Variants in KANK2 observed in about 807,000 individuals in gnomAD.
KANK2 encodes KN motif and ankyrin repeat domain-containing protein 2.
KANK2 carries 41 observed loss-of-function variants against 74.6 expected under a neutral mutation model. The observed-to-expected ratio is 0.55, with a 90% CI of 0.43 to 0.71. KANK2 has a LOEUF of 0.71. Among genes scored for constraint, KANK2 ranks in the 30% least tolerant of loss-of-function variants. KANK2 has a pLI of 0.00. For synonymous variants in KANK2, 537 were observed against 519.0 expected (o/e 1.03, Z -0.47); for missense variants, 1,148 against 1,196.4 (o/e 0.96, Z 0.60).
Position 11,178,680 on chromosome 19 carries a change from CG to C in KANK2, c.1289del (p.Pro430ArgfsTer5). On this transcript the variant is annotated frameshift_variant, in exon 5 of 13. Transcript: ENST00000586659. LOFTEE classifies it high-confidence loss of function. The stretch of plus-strand genomic sequence containing the variant: ...GTGTAAGGGAGGCTACCTCGGACCC[CG>C]GGGGTGACGAAGACGATTCGGCAGG... ...EVPAESSSSP[P>X]GSEVASLTQP... 1.3e-6 allele frequency: 2 copies of C among 1,541,686 alleles called. No homozygotes were observed. The highest frequency in any genetic ancestry group is 2.3e-5 in the Admixed American group (1 of 43,828).
intron 4 of KANK2, among the ~76,000 whole-genome samples, chr19:11,188,234 A>T (rs184537075): frequency 6.7e-6 from 1 of 149,418 alleles, no homozygotes; most frequent in Admixed American, 6.7e-5. Flanking sequence ...ACGGAGTCTC[A>T]CTCTCACTCT....
intron 4 of KANK2, chr19:11,192,414 G>A: frequency 7.0e-6 from 2 of 284,574 alleles, no homozygotes; most frequent in South Asian, 7.1e-5. Flanking sequence ...CGGGGGCTGG[G>A]GCTGGACCTT....
At position 11,192,981 on chromosome 19, in the gene KANK2, G is replaced by A; in HGVS notation, c.1099C>T (p.Leu367=). 2 of 1,614,058 alleles carry A rather than the reference G, an allele frequency of 1.2e-6. No homozygotes were observed. Among genetic ancestry groups the A allele is most frequent in the Non-Finnish European group, 1.7e-6 (2 of 1,179,988 alleles). The stretch of plus-strand genomic sequence containing the variant: ...CTCTCAGGCCTACCAGGCATTGCCA[G>A]GGCCCTCAGCCCTGTGCCGTAAGGC... ...LEPYGTGLRA[L]AMPGRPESPP... is the part of the protein sequence containing the mutation. Residue 367 remains leucine (L), a synonymous_variant, in exon 4 of 13, where the codon CTG becomes TTG. Coordinates refer to ENST00000586659, the MANE Select transcript of KANK2 (RefSeq NM_001136191.3).
chr19:11,168,686 C>G (rs1368070215), intron 12 of KANK2, among the ~76,000 whole-genome samples: 2 of 152,114 alleles, frequency 1.3e-5, no homozygotes, highest in African/African-American at 4.8e-5. Flanking sequence ...TAACATGCAG[C>G]AGGCGCTCAA....
chr19:11,174,127 A>G (rs527730802), intron 9 of KANK2, among the ~76,000 whole-genome samples: 17 of 144,216 alleles, frequency 1.2e-4, no homozygotes, highest in African/African-American at 4.2e-4. Context: ...ATGAACTGGG[A>G]AGGTGTCTCC....
rs773513432 is a variant in KANK2, at chr19:11,194,037, G to A, written c.43C>T (p.Pro15Ser). Reference protein sequence around the residue: ...LHVPAPFPGTPGPASPPAFPA... With the variant: ...LHVPAPFPGTSGPASPPAFPA... ...AAGGCAGGTGGGGAGGCTGGGCCAG[G>A]GGTCCCTGGGGATGGGAGAAACACC... The change falls in exon 4 of 13, where the codon CCT (proline) becomes TCT (serine). Residue 15 changes from proline (P) to serine (S), a missense_variant. Pro to Ser is a moderately conservative substitution (Grantham distance 74, BLOSUM62 -1). Coordinates refer to ENST00000586659, the MANE Select transcript of KANK2 (RefSeq NM_001136191.3). 4 of 1,602,306 alleles carry A rather than the reference G, an allele frequency of 2.5e-6. No individual in the cohort carries two copies. Among genetic ancestry groups the A allele is most frequent in the Non-Finnish European group, 3.4e-6 (4 of 1,173,536 alleles).
At chr19:11,167,897 G>A (rs984151592) in intron 12 of KANK2, among the ~76,000 whole-genome samples, 20 of 151,788 alleles carry the variant, frequency 1.3e-4, no homozygotes, top group African/African-American at 2.4e-4. Context: ...CCTGCTGCCC[G>A]GAAGACCATG....
At chr19:11,180,197 G>A (rs768672583) in intron 4 of KANK2, among the ~76,000 whole-genome samples, 1 of 152,146 alleles carries the variant, frequency 6.6e-6, no homozygotes, top group Non-Finnish European at 1.5e-5. Flanking sequence ...TCCCCTTCCT[G>A]TCCCCCGGGG....
intron 4 of KANK2, among the ~76,000 whole-genome samples, chr19:11,181,073 C>T (rs190700979): frequency 0.017 from 1,757 of 103,056 alleles, 54 homozygotes; most frequent in African/African-American, 0.065. Context: ...GGGGATAGAG[C>T]GAGACTCTTG....
intron 10 of KANK2, among the ~76,000 whole-genome samples, chr19:11,172,451 C>T (rs1373275044): frequency 6.6e-6 from 1 of 152,184 alleles, no homozygotes; most frequent in Non-Finnish European, 1.5e-5. Context: ...TCAGTGGGTC[C>T]TGGCTTCCCT....
At chr19:11,185,807 C>A (rs2078657952) in intron 4 of KANK2, among the ~76,000 whole-genome samples, 1 of 132,888 alleles carries the variant, frequency 7.5e-6, no homozygotes, top group African/African-American at 2.7e-5. Flanking sequence ...CTTTGGGAGG[C>A]TGAGGTGGAT....
chr19:11,175,982 G>C lies in KANK2; in HGVS notation c.1768C>G (p.Leu590Val). The part of the protein sequence containing the change: ...SNTEEEIRME[L>V]SPDLISACLA... ...CAGGCTGAGATGAGGTCAGGGCTTA[G>C]CTCCATCCTGCCAGGAACAGACAAA... The change falls in exon 8 of 13, where the codon CTA becomes GTA. Residue 590 changes from leucine (L) to valine (V), a missense_variant. Physicochemically the swap from Leu to Val is conservative, Grantham distance 32. Transcript: ENST00000586659. The C allele has an allele frequency of 6.2e-7, 1 of 1,612,960 alleles. No individual in the cohort carries two copies.
chr19:11,166,850 G>T (rs1415350950), intron 12 of KANK2, among the ~76,000 whole-genome samples: 1 of 152,160 alleles, frequency 6.6e-6, no homozygotes, highest in Admixed American at 6.6e-5. Context: ...GCTGGTCAGG[G>T]AGGGTGAGTT....
At chr19:11,174,833 A>T in intron 8 of KANK2, 141 bp from the exon 9 acceptor site, 2 of 668,440 alleles carry the variant, frequency 3.0e-6, no homozygotes, top group Non-Finnish European at 5.2e-6. Context: ...ACCCTCCCAA[A>T]GGGAAGTGTA....
intron 4 of KANK2, among the ~76,000 whole-genome samples, chr19:11,189,249 G>A (rs1016367423): frequency 6.6e-5 from 10 of 151,934 alleles, no homozygotes; most frequent in African/African-American, 1.9e-4. Context: ...AAGCCACTGC[G>A]CCTGGCTGAA....
chr19:11,172,963 C>T lies in KANK2; in HGVS notation c.2211+18G>A. On this transcript the variant is annotated intron_variant, in intron 10 of 12. Coordinates refer to ENST00000586659, the MANE Select transcript of KANK2 (RefSeq NM_001136191.3). ...TAGGAAGAGCCACCTGGATCTGCAG[C>T]AGCCGGGGTCCCCATACCTGGCTGG... The T allele has an allele frequency of 6.2e-7, 1 of 1,608,916 alleles. No individual in the cohort carries two copies. Among genetic ancestry groups the T allele is most frequent in the South Asian group, 1.1e-5 (1 of 90,530 alleles).
At chr19:11,190,595 A>C (rs1288657865) in intron 4 of KANK2, among the ~76,000 whole-genome samples, 2 of 152,154 alleles carry the variant, frequency 1.3e-5, no homozygotes, top group African/African-American at 4.8e-5. Context: ...ACCTCTCTAG[A>C]GGTGGAGAGC....
intron 2 of KANK2, 106 bp from the exon 3 acceptor site, chr19:11,194,696 G>A: frequency 3.5e-6 from 2 of 564,426 alleles, no homozygotes; most frequent in Non-Finnish European, 6.5e-6. Flanking sequence ...CCCAACCCAG[G>A]TCTGGGACCC....
In KANK2 at chr19:11,193,029, C is replaced by T. The variant is rs745831416; in HGVS notation, c.1051G>A (p.Ala351Thr). The change falls in exon 4 of 13, where the codon GCA (alanine) becomes ACA (threonine). Residue 351 changes from alanine to threonine, a missense_variant. Coordinates refer to ENST00000586659, the MANE Select transcript of KANK2 (RefSeq NM_001136191.3). The surrounding 1 kb of genome is among the most constrained non-coding windows in gnomAD (Gnocchi z 9.6). Reference protein sequence around the residue: ...VVASTAAGAPAQRAQSLEPYG... With the variant: ...VVASTAAGAPTQRAQSLEPYG... ...GGCTCCAGGCTCTGGGCCCGCTGTG[C>T]GGGGGCGCCAGCGGCTGTGCTGGCC... The T allele has an allele frequency of 2.2e-5, 36 of 1,611,912 alleles. No individual in the cohort carries two copies. The highest frequency in any genetic ancestry group is 8.8e-5 in the South Asian group (8 of 91,006).
Sources: gnomAD v4.1 joint callset for allele counts (sites outside exome capture counted in the v4.1 genomes callset) on GRCh38, gnomAD v4.1.1 for gene constraint, Gnocchi (gnomAD v3.1) non-coding constraint, MANE v1.5 for transcripts, NCBI Gene and HGNC (gene_info 2026-07-23, HGNC 2026-07-21) for gene names.